CMTM7: variants seen among roughly 807,000 people sequenced by gnomAD.
The protein encoded by CMTM7 is CKLF-like MARVEL transmembrane domain-containing protein 7.
A neutral mutation model predicts 19.3 loss-of-function variants in CMTM7; 7 were observed. The observed-to-expected ratio is 0.36, with a 90% confidence interval of 0.21 to 0.68. The LOEUF is 0.68. Among genes scored for constraint, CMTM7 ranks in the 30% least tolerant of loss-of-function variants. The probability of loss-of-function intolerance (pLI) is 0.60; values close to 1 mark genes in which losing one functional copy is unlikely to be tolerated. For missense variants in CMTM7, 193 were observed against 232.6 expected (o/e 0.83, Z 1.11); for synonymous variants, 87 against 99.3 (o/e 0.88, Z 0.74).
intron 2 of CMTM7, among the ~76,000 whole-genome samples, chr3:32,442,893 A>C (rs1696702558): frequency 6.6e-6 from 1 of 152,182 alleles, no homozygotes; most frequent in Non-Finnish European, 1.5e-5. Flanking sequence ...TCATTTCAGA[A>C]AGAAATTCCA....
rs3081435 is a variant in CMTM7, at chr3:32,412,480, G to GACAC, written c.159+20472_159+20475dup. ...CCAGCCTGGGCAACAGATTGAGACT[G>GACAC]ACACACACACACACACACACACACA... On this transcript the variant is annotated intron_variant, in intron 1 of 4. Coordinates refer to ENST00000334983, the MANE Select transcript of CMTM7 (RefSeq NM_138410.4). Among the ~76,000 whole-genome samples the GACAC allele has an allele frequency of 9.4e-3, 1,135 of 120,328 alleles. 11 individuals carry two copies. Among genetic ancestry groups the GACAC allele is most frequent in the Middle Eastern group, 0.017 (4 of 234 alleles). 78.9% of individuals were successfully genotyped at this position (120,328 alleles called of 152,430 possible).
At position 32,432,591 on chromosome 3, in the gene CMTM7, G is replaced by A. The variant is rs148458930; in HGVS notation, c.160-9249G>A. Among the ~76,000 whole-genome samples the A allele has an allele frequency of 9.8e-3, 1,499 of 152,274 alleles. 13 individuals carry two copies. Among genetic ancestry groups the A allele is most frequent in the Non-Finnish European group, 0.013 (918 of 68,008 alleles). ...TGCCTGGGTCCCAGCTCTGGCTCCGGATGCACTAGTTGTAGGATCAGCTCA... is the reference window on the plus strand; with the variant it reads ...TGCCTGGGTCCCAGCTCTGGCTCCGAATGCACTAGTTGTAGGATCAGCTCA... On this transcript the variant is annotated intron_variant, in intron 1 of 4. Transcript: ENST00000334983.
Position 32,449,423 on chromosome 3 carries a change from A to T in CMTM7, c.334-31A>T. 1 of 1,483,638 alleles carries T rather than the reference A, an allele frequency of 6.7e-7. No homozygotes were observed. Among genetic ancestry groups the T allele is most frequent in the Non-Finnish European group, 9.4e-7 (1 of 1,061,274 alleles). 91.9% of individuals were successfully genotyped at this position (1,483,638 alleles called of 1,614,324 possible). On this transcript the variant is annotated intron_variant, in intron 2 of 4. Transcript: ENST00000334983. This position sits in a 1 kb window ranked among gnomAD's most constrained non-coding sequence, Gnocchi z 4.5. ...TCCCGGACCAGAAATGGACGGCCCT[A>T]CCCACTTATTTGCTTTGTTTCTGCC...
chr3:32,454,210 A>G, intron 4 of CMTM7, 31 bp from the exon 5 acceptor site: 1 of 1,577,210 alleles, frequency 6.3e-7, no homozygotes, highest in Non-Finnish European at 8.6e-7. Context: ...CATCCCTGGC[A>G]AGCTGTCCTG....
intron 2 of CMTM7, among the ~76,000 whole-genome samples, chr3:32,445,006 G>C (rs1212575773): frequency 6.6e-6 from 1 of 152,092 alleles, no homozygotes; most frequent in Non-Finnish European, 1.5e-5. Flanking sequence ...TTTCCAGATT[G>C]TTCATTGCAA....
intron 1 of CMTM7, 36 bp downstream of exon 1, chr3:32,392,101 A>C (rs940527078): frequency 1.1e-4 from 138 of 1,227,434 alleles, no homozygotes; most frequent in Non-Finnish European, 1.4e-4. Context: ...GAGGTTCTAC[A>C]GGGCGTCCCG....
At chr3:32,409,616 T>C (rs1049880361) in intron 1 of CMTM7, among the ~76,000 whole-genome samples, 3 of 152,210 alleles carry the variant, frequency 2.0e-5, no homozygotes, top group Admixed American at 6.5e-5. Context: ...AGGTTTTCAG[T>C]CTTTCTTGTT....
At chr3:32,437,832 A>G (rs1377225224) in intron 1 of CMTM7, among the ~76,000 whole-genome samples, 3 of 152,160 alleles carry the variant, frequency 2.0e-5, no homozygotes, top group Non-Finnish European at 4.4e-5. Flanking sequence ...TGGAGGTTGC[A>G]GTGAGCTGAG....
chr3:32,397,730 C>T (rs1695939845), intron 1 of CMTM7, among the ~76,000 whole-genome samples: 1 of 126,386 alleles, frequency 7.9e-6, no homozygotes, highest in South Asian at 2.9e-4. Context: ...GAGACTCTGT[C>T]TCAAAAAAAA....
chr3:32,412,950 T>C (rs1696201119), intron 1 of CMTM7, among the ~76,000 whole-genome samples: 1 of 152,254 alleles, frequency 6.6e-6, no homozygotes, highest in Non-Finnish European at 1.5e-5. Flanking sequence ...ACCACTCACT[T>C]TTAAACATGT....
chr3:32,427,410 T>C (rs1696449094), intron 1 of CMTM7, among the ~76,000 whole-genome samples: 1 of 152,034 alleles, frequency 6.6e-6, no homozygotes, highest in Non-Finnish European at 1.5e-5. Flanking sequence ...TGGAAGGAGC[T>C]GTGGCAGATG....
intron 2 of CMTM7, among the ~76,000 whole-genome samples, chr3:32,448,563 GAA>G (rs972012470): frequency 6.6e-6 from 1 of 152,208 alleles, no homozygotes; most frequent in African/African-American, 2.4e-5. Flanking sequence ...ATGGGGAAGA[GAA>G]AGGGTGAGAT....
At chr3:32,450,876 C>G (rs1287174318) in intron 3 of CMTM7, 3 of 152,182 alleles carry the variant, frequency 2.0e-5, no homozygotes, top group Non-Finnish European at 2.9e-5. Context: ...GTGCCTAGGA[C>G]CAAACCTGGG....
At chr3:32,404,397 GT>G (rs1356131228) in intron 1 of CMTM7, among the ~76,000 whole-genome samples, 4 of 152,136 alleles carry the variant, frequency 2.6e-5, no homozygotes, top group African/African-American at 9.7e-5. Flanking sequence ...CTGACCTCAA[GT>G]AATCCCCCCT....
In CMTM7 at chr3:32,430,681, A is replaced by ATG. The variant is rs35054129; in HGVS notation, c.160-11126_160-11125dup. Among the ~76,000 whole-genome samples, 1,180 of 134,006 alleles carry ATG rather than the reference A, an allele frequency of 8.8e-3. 19 individuals are homozygous for ATG. The highest frequency in any genetic ancestry group is 0.023 in the Middle Eastern group (6 of 266). The allele number at this position is 134,006 out of a possible 152,430, so 87.9% of individuals were successfully genotyped here. On this transcript the variant is annotated intron_variant, in intron 1 of 4. Transcript: ENST00000334983. ...TCATTCTGGCCTGATCTACATCTGA[A>ATG]TGTGTGTGTGTGTGTGTGTGTGTGT...
In CMTM7 at chr3:32,391,875, C is replaced by T. The variant is rs546173159; in HGVS notation, c.-32C>T. 7.4e-5 allele frequency: 89 copies of T among 1,204,134 alleles called. 1 individual carries two copies. The South Asian group carries it at 1.8e-3, about 25-fold the overall frequency. The allele number at this position is 1,204,134 out of a possible 1,614,324, so 74.6% of individuals were successfully genotyped here. ...TGTATCTGGCCCCTGGGCAGCTGCCCGGGGAGGCGGCCAGCGAGCTGGGGC... is the reference window on the plus strand; with the variant it reads ...TGTATCTGGCCCCTGGGCAGCTGCCTGGGGAGGCGGCCAGCGAGCTGGGGC... On this transcript the variant is annotated 5_prime_UTR_variant, in exon 1 of 5. Coordinates refer to ENST00000334983, the MANE Select transcript of CMTM7 (RefSeq NM_138410.4).
chr3:32,403,141 T>G (rs1490679553), intron 1 of CMTM7, among the ~76,000 whole-genome samples: 1 of 152,242 alleles, frequency 6.6e-6, no homozygotes, highest in African/African-American at 2.4e-5. Context: ...AACTAAATAA[T>G]AGCACTTTGA....
chr3:32,449,637 G>C lies in CMTM7; in HGVS notation c.432+85G>C, dbSNP rs1260398360. 3.8e-6 allele frequency: 4 copies of C among 1,045,844 alleles called. No homozygotes were observed. Among genetic ancestry groups the C allele is most frequent in the Non-Finnish European group, 6.0e-6 (4 of 664,632 alleles). 64.8% of individuals were successfully genotyped at this position (1,045,844 alleles called of 1,614,324 possible). ...CCTGATGGGGGAAGAGAAGGGCTTGGTTTCTGGGGCATTCCCTTCATAGAA... is the reference window on the plus strand; with the variant it reads ...CCTGATGGGGGAAGAGAAGGGCTTGCTTTCTGGGGCATTCCCTTCATAGAA... On this transcript the variant is annotated intron_variant, in intron 3 of 4. Transcript: ENST00000334983. This position sits in a 1 kb window ranked among gnomAD's most constrained non-coding sequence, Gnocchi z 4.5.
chr3:32,453,975 A>G (rs9810344), intron 4 of CMTM7, among the ~76,000 whole-genome samples: 1 of 152,228 alleles, frequency 6.6e-6, no homozygotes, highest in Non-Finnish European at 1.5e-5. Context: ...TCACCAAAAG[A>G]AATGGCTAAA....
Sources: allele counts gnomAD v4.1 joint callset (sites outside exome capture counted in the v4.1 genomes callset), GRCh38; gene constraint gnomAD v4.1.1; non-coding constraint Gnocchi (gnomAD v3.1); transcripts MANE v1.5; gene names NCBI Gene and HGNC (gene_info 2026-07-23, HGNC 2026-07-21).